Variants in MAN1A2 observed in about 807,000 individuals in gnomAD.
MAN1A2 encodes mannosidase alpha class 1A member 2.
A neutral mutation model predicts 75.7 loss-of-function variants in MAN1A2; 26 were observed. That is an observed-to-expected ratio of 0.34 (90% CI 0.25 to 0.48). The LOEUF (loss-of-function observed/expected upper bound fraction) is 0.48. MAN1A2 is among the 20% of genes least tolerant of loss of function. The probability of loss-of-function intolerance (pLI) is 0.99; values close to 1 mark genes in which losing one functional copy is unlikely to be tolerated. For synonymous variants in MAN1A2, 247 were observed against 264.6 expected (o/e 0.93, Z 0.65); for missense variants, 562 against 775.5 (o/e 0.72, Z 3.27).
chr1:117,466,507 A>C (rs1412955428), intron 8 of MAN1A2, 80 bp downstream of exon 8: 2 of 906,426 alleles, frequency 2.2e-6, no homozygotes, highest in African/African-American at 3.5e-5. Flanking sequence ...TAAAAAGTAC[A>C]CTACGTGGAG....
At chr1:117,417,704 ACACTCT>A (rs1414359308) in intron 4 of MAN1A2, among the ~76,000 whole-genome samples, 1 of 145,812 alleles carries the variant, frequency 6.9e-6, no homozygotes, top group Non-Finnish European at 1.5e-5. Flanking sequence ...ACACACACAC[ACACTCT>A]CTCTCTCTCT....
intron 6 of MAN1A2, among the ~76,000 whole-genome samples, chr1:117,442,536 G>A (rs1649069269): frequency 6.6e-6 from 1 of 151,858 alleles, no homozygotes; most frequent in African/African-American, 2.4e-5. Context: ...CAGGTTAATT[G>A]TCTTAACTTG....
chr1:117,526,347 T>C lies in MAN1A2; in HGVS notation c.*3390T>C, dbSNP rs1652019539. 2 of 151,922 alleles carry C rather than the reference T, an allele frequency of 1.3e-5. No homozygotes were observed. The highest frequency in any genetic ancestry group is 1.9e-4 in the East Asian group (1 of 5,174). The allele number at this position is 151,922 out of a possible 1,614,324, so 9.4% of individuals were successfully genotyped here. A position where few individuals can be genotyped will look rare whatever the true frequency, so the allele number is the denominator to read the frequency against. ...CACAACATTTTAAATGTTTCCAATA[T>C]GAATCGTGTTACAAAATTCTTAATT... On this transcript the variant is annotated 3_prime_UTR_variant, in exon 13 of 13. Transcript: ENST00000356554.
chr1:117,464,363 A>AAAAAAAG (rs1252461671), intron 7 of MAN1A2, among the ~76,000 whole-genome samples: 1 of 151,858 alleles, frequency 6.6e-6, no homozygotes, highest in African/African-American at 2.4e-5. Context: ...TGTCAAAAAA[A>AAAAAAAG]AAAGAAACAG....
chr1:117,386,433 G>T lies in MAN1A2; in HGVS notation c.303-15753G>T, dbSNP rs983215872. Among the ~76,000 whole-genome samples the T allele has an allele frequency of 4.6e-5, 7 of 152,058 alleles. 1 individual carries two copies. Among genetic ancestry groups the T allele is most frequent in the Admixed American group, 4.6e-4 (7 of 15,280 alleles). ...TTGCATTTAATTATATGTGGGCTGG[G>T]TATGCTAAACATCCCATGGTGCCTT... On this transcript the variant is annotated intron_variant, in intron 1 of 12. Transcript: ENST00000356554.
chr1:117,407,069 A>C (rs1228810072), intron 3 of MAN1A2, among the ~76,000 whole-genome samples: 1 of 152,118 alleles, frequency 6.6e-6, no homozygotes, highest in African/African-American at 2.4e-5. Flanking sequence ...TTTGACACTT[A>C]GGAAACATCT....
chr1:117,437,717 T>C (rs1395362785), intron 5 of MAN1A2, among the ~76,000 whole-genome samples: 2 of 152,184 alleles, frequency 1.3e-5, no homozygotes, highest in South Asian at 2.1e-4. Flanking sequence ...TTAATACTTA[T>C]CTCACTGGCT....
At chr1:117,414,684 A>T in intron 3 of MAN1A2, 29 bp from the exon 4 acceptor site, 1 of 1,164,084 alleles carries the variant, frequency 8.6e-7, no homozygotes, top group Non-Finnish European at 1.3e-6. Flanking sequence ...GGATCTTTTT[A>T]ATGATAATTT....
chr1:117,446,976 A>G (rs953131438), intron 6 of MAN1A2, among the ~76,000 whole-genome samples: 1 of 151,942 alleles, frequency 6.6e-6, no homozygotes, highest in Non-Finnish European at 1.5e-5. Context: ...CACGTTTATT[A>G]TATGCTTTCT....
At chr1:117,491,817 C>G (rs76488393) in intron 8 of MAN1A2, among the ~76,000 whole-genome samples, 1 of 151,934 alleles carries the variant, frequency 6.6e-6, no homozygotes, top group South Asian at 2.1e-4. Flanking sequence ...GATTCCAGTC[C>G]TCATGGGTGA....
rs149692697 is a variant in MAN1A2 at position 117,493,228 on chromosome 1, A to G, written c.1250A>G (p.His417Arg). ...KAWLMSDKTD[H>R]EARKMYDDAI... ...TGGTTGATGTCAGATAAAACAGACC[A>G]TGAGGCAAGAAAGATGTATGATGAT... is the stretch of plus-strand genomic sequence containing the variant. Residue 417 changes from histidine to arginine, a missense_variant, in exon 9 of 13, where the codon CAT becomes CGT. Physicochemically the swap from His to Arg is conservative, Grantham distance 29. Around this residue, in one of 2 missense-constraint regions of MAN1A2, gnomAD observed 434 missense variants for 645.7 expected, o/e 0.67. Coordinates refer to ENST00000356554, the MANE Select transcript of MAN1A2 (RefSeq NM_006699.5). 561 of 1,612,014 alleles carry G rather than the reference A, an allele frequency of 3.5e-4. 1 individual carries two copies. The African/African-American group carries it at 6.9e-3, about 20-fold the overall frequency.
Position 117,525,288 on chromosome 1 carries a change from A to G in MAN1A2, c.*2331A>G, listed in dbSNP as rs868324800. On this transcript the variant is annotated 3_prime_UTR_variant, in exon 13 of 13. Coordinates refer to ENST00000356554, the MANE Select transcript of MAN1A2 (RefSeq NM_006699.5). ...CTATGTGATGGAAAGACTAGAGCTTATAAAAGTACTTCCATTTTTTTATTC... is the reference window on the plus strand; with the variant it reads ...CTATGTGATGGAAAGACTAGAGCTTGTAAAAGTACTTCCATTTTTTTATTC... The G allele has an allele frequency of 1.5e-5, 4 of 272,702 alleles. No individual in the cohort carries two copies. In the Middle Eastern group the frequency reaches 3.2e-3, roughly 215 times the overall value. The allele number at this position is 272,702 out of a possible 1,614,324, so 16.9% of individuals were successfully genotyped here.
intron 1 of MAN1A2, among the ~76,000 whole-genome samples, chr1:117,369,354 G>T (rs1364396017): frequency 1.3e-5 from 2 of 152,060 alleles, no homozygotes; most frequent in Non-Finnish European, 2.9e-5. Flanking sequence ...AAGAGTTTGG[G>T]AAAGTAGTTG....
intron 3 of MAN1A2, among the ~76,000 whole-genome samples, chr1:117,411,598 G>A (rs1299009716): frequency 4.0e-5 from 6 of 151,704 alleles, no homozygotes. Context: ...GAAGATTTCT[G>A]CTCCCCAAAG....
intron 5 of MAN1A2, among the ~76,000 whole-genome samples, chr1:117,431,050 C>T (rs1648624133): frequency 7.3e-6 from 1 of 137,188 alleles, no homozygotes; most frequent in East Asian, 2.3e-4. Context: ...TCCACCAAAA[C>T]CAGTCAGGCG....
At chr1:117,482,111 G>T (rs1650516856) in intron 8 of MAN1A2, among the ~76,000 whole-genome samples, 1 of 151,870 alleles carries the variant, frequency 6.6e-6, no homozygotes, top group African/African-American at 2.4e-5. Flanking sequence ...GTGCACACGT[G>T]CAGGGTTTGA....
rs534234968 is a variant in MAN1A2, at chr1:117,425,155, G to A, written c.855+4506G>A. On this transcript the variant is annotated intron_variant, in intron 5 of 12. Transcript: ENST00000356554. ...GGAAGGGGAAAGGAAGGAAGAAAAG[G>A]AGGGCAAAGGGGGGAGGGAAGGGGG... 3.8e-5 allele frequency among the ~76,000 whole-genome samples: 5 copies of A among 133,020 alleles called. No individual in the cohort carries two copies. The South Asian group carries it at 8.5e-4, about 23-fold the overall frequency. The allele number at this position is 133,020 out of a possible 152,430, so 87.3% of individuals were successfully genotyped here.
At chr1:117,481,776 G>T (rs1011174875) in intron 8 of MAN1A2, among the ~76,000 whole-genome samples, 7 of 151,928 alleles carry the variant, frequency 4.6e-5, no homozygotes, top group Non-Finnish European at 8.8e-5. Context: ...TTGAGGCTTA[G>T]GATTGAAACT....
intron 3 of MAN1A2, among the ~76,000 whole-genome samples, chr1:117,409,967 C>T (rs950203993): frequency 9.9e-5 from 15 of 151,878 alleles, no homozygotes; most frequent in African/African-American, 3.4e-4. Context: ...TACCAAAATC[C>T]ATGGATGCCC....
Sources: gnomAD v4.1 joint callset for allele counts (sites outside exome capture counted in the v4.1 genomes callset) on GRCh38, gnomAD v4.1.1 for gene constraint, gnomAD v4.1.1 regional missense constraint, MANE v1.5 for transcripts, NCBI Gene and HGNC (gene_info 2026-07-23, HGNC 2026-07-21) for gene names.